Variants in FCHO1 observed in about 807,000 individuals in gnomAD.
The protein encoded by FCHO1 is F-BAR domain only protein 1.
A neutral mutation model predicts 114.4 loss-of-function variants in FCHO1; 45 were observed. The ratio of observed to expected loss-of-function variants is 0.39; its 90% confidence interval spans 0.31 to 0.50. The LOEUF (loss-of-function observed/expected upper bound fraction) is 0.50, where lower values mean the gene tolerates loss of function less well. FCHO1 is among the 20% of genes least tolerant of loss of function. The pLI is 0.77. For synonymous variants in FCHO1, 480 were observed against 488.9 expected (o/e 0.98, Z 0.24); for missense variants, 1,042 against 1,209.6 (o/e 0.86, Z 2.06).
Position 17,788,296 on chromosome 19 carries a change from T to C in FCHO1, c.2660T>C (p.Val887Ala), listed in dbSNP as rs1234990905. The C allele has an allele frequency of 7.4e-7, 1 of 1,342,476 alleles. No homozygotes were observed. The highest frequency in any genetic ancestry group is 2.0e-5 in the Admixed American group (1 of 49,226). The allele number at this position is 1,342,476 out of a possible 1,614,324, so 83.2% of individuals were successfully genotyped here. Reference sequence around the variant, plus strand: ...TGCACCCCCACAGGGATGTACCTGGTGAGCTGCTGAACCCGCAAATGCTGC... The same window carrying C: ...TGCACCCCCACAGGGATGTACCTGGCGAGCTGCTGAACCCGCAAATGCTGC... ...KRRFATGMYL[V>A]SC is the part of the protein sequence containing the mutation. The change falls in exon 29 of 29, where the codon GTG becomes GCG. Residue 887 changes from valine (V) to alanine (A), a missense_variant. By Grantham distance (64) the Val-to-Ala change is moderately conservative. Around this residue, in one of 3 missense-constraint regions of FCHO1, gnomAD observed 137 missense variants for 190.0 expected, o/e 0.72. Transcript: ENST00000596536.
At chr19:17,753,378 T>C (rs1305282279) in intron 1 of FCHO1, among the ~76,000 whole-genome samples, 1 of 152,202 alleles carries the variant, frequency 6.6e-6, no homozygotes, top group Non-Finnish European at 1.5e-5. Context: ...CCTTGCCCAG[T>C]GAACTCCTAT....
At chr19:17,759,339 C>T (rs2085146930) in intron 4 of FCHO1, among the ~76,000 whole-genome samples, 1 of 149,654 alleles carries the variant, frequency 6.7e-6, no homozygotes, top group South Asian at 2.1e-4. Flanking sequence ...TCTCCCGCCT[C>T]AGCCTCCCGA....
chr19:17,749,121 T>G (rs1028394608), upstream of FCHO1, among the ~76,000 whole-genome samples: 2 of 152,088 alleles, frequency 1.3e-5, no homozygotes, highest in South Asian at 4.1e-4. Flanking sequence ...CTGACCCACA[T>G]ACCATCACCC....
chr19:17,761,552 T>G (rs1223803131), intron 4 of FCHO1, among the ~76,000 whole-genome samples: 1 of 151,698 alleles, frequency 6.6e-6, no homozygotes, highest in Non-Finnish European at 1.5e-5. Context: ...TTCTAGGAGT[T>G]TTTTGGTGGT....
At chr19:17,780,389 C>T (rs1247789251) in intron 20 of FCHO1, among the ~76,000 whole-genome samples, 2 of 152,068 alleles carry the variant, frequency 1.3e-5, no homozygotes, top group Non-Finnish European at 2.9e-5. Flanking sequence ...GTCTCGAACT[C>T]CTGACCTCAG....
At chr19:17,757,648 G>C (rs367640421) in intron 4 of FCHO1, among the ~76,000 whole-genome samples, 10 of 152,312 alleles carry the variant, frequency 6.6e-5, no homozygotes, top group African/African-American at 2.4e-4. Context: ...GAGCGTGGTA[G>C]CTCACGTCTG....
chr19:17,769,372 C>T (rs917329850), intron 7 of FCHO1, among the ~76,000 whole-genome samples: 54 of 150,916 alleles, frequency 3.6e-4, no homozygotes, highest in African/African-American at 1.1e-3. Context: ...GTCAGGAGAT[C>T]GAGACCATCC....
rs1420370126 is a variant in FCHO1, at chr19:17,772,641, A to C, written c.694-4A>C. 1 of 1,613,994 alleles carries C rather than the reference A, an allele frequency of 6.2e-7. No individual in the cohort carries two copies. The highest frequency in any genetic ancestry group is 8.5e-7 in the Non-Finnish European group (1 of 1,180,002). ...CAGTTACACACCCCGCCCACCCGGC[A>C]CAGGTGCATGAGGAATTTAAGCAGA... On this transcript the variant is annotated splice_polypyrimidine_tract_variant and splice_region_variant and intron_variant, in intron 10 of 28. Transcript: ENST00000596536.
upstream of FCHO1, among the ~76,000 whole-genome samples, chr19:17,748,638 G>C (rs2081187682): frequency 2.0e-5 from 3 of 151,568 alleles, no homozygotes; most frequent in Admixed American, 6.6e-5. Flanking sequence ...AGGAGGCTTG[G>C]GGGGTGGGGG....
rs558504093 is a variant in FCHO1, at chr19:17,784,632, T to C, written c.2227-93T>C. 5.0e-6 allele frequency: 6 copies of C among 1,204,802 alleles called. No homozygotes were observed. In the East Asian group the frequency reaches 1.4e-4, roughly 28 times the overall value. 74.6% of individuals were successfully genotyped at this position (1,204,802 alleles called of 1,614,324 possible). A position where few individuals can be genotyped will look rare whatever the true frequency, so the allele number is the denominator to read the frequency against. Reference sequence around the variant, plus strand: ...GACTGGACCCCCTTGGGGCGGTGCGTGCATCGCAGGGTCAAGGTGGTTGAA... The same window carrying C: ...GACTGGACCCCCTTGGGGCGGTGCGCGCATCGCAGGGTCAAGGTGGTTGAA... On this transcript the variant is annotated intron_variant, in intron 25 of 28. Coordinates refer to ENST00000596536, the MANE Select transcript of FCHO1 (RefSeq NM_015122.3). The surrounding 1 kb of genome is among the most constrained non-coding windows in gnomAD (Gnocchi z 5.3).
chr19:17,777,652 GAGGTGGGGTT>G (rs2092816339), intron 18 of FCHO1, among the ~76,000 whole-genome samples: 3 of 152,030 alleles, frequency 2.0e-5, no homozygotes, highest in African/African-American at 7.2e-5. Flanking sequence ...GACTTCCCTT[GAGGTGGGGTT>G]GGGAACCTCC....
At chr19:17,774,923 G>A (rs754420689) in intron 13 of FCHO1, 133 bp from the exon 14 acceptor site, 43 of 961,624 alleles carry the variant, frequency 4.5e-5, no homozygotes, top group African/African-American at 2.4e-4. Context: ...TGGTCCCACC[G>A]CCTCTAGGGC....
chr19:17,788,176 G>C, intron 28 of FCHO1, 108 bp from the exon 29 acceptor site: 1 of 847,696 alleles, frequency 1.2e-6, no homozygotes, highest in South Asian at 1.4e-5. Flanking sequence ...AGTTACAGGG[G>C]TGTTTTGAAG....
intron 7 of FCHO1, 27 bp downstream of exon 7, chr19:17,766,837 G>T: frequency 6.2e-7 from 1 of 1,603,436 alleles, no homozygotes; most frequent in African/African-American, 1.3e-5. Context: ...CCGCCCAGCG[G>T]CTGGGTGGGT....
intron 5 of FCHO1, 45 bp downstream of exon 5, chr19:17,762,898 C>T (rs764352908): frequency 1.5e-6 from 2 of 1,340,890 alleles, no homozygotes; most frequent in Non-Finnish European, 2.1e-6. Flanking sequence ...GCCCACCATC[C>T]TGTAGTCACG....
At chr19:17,782,975 G>A in intron 23 of FCHO1, 42 bp from the exon 24 acceptor site, 1 of 1,603,232 alleles carries the variant, frequency 6.2e-7, no homozygotes, top group Non-Finnish European at 8.5e-7. Flanking sequence ...GAGGCACCAG[G>A]CAGAGCCCTA....
intron 4 of FCHO1, among the ~76,000 whole-genome samples, chr19:17,756,803 T>C (rs12977828): frequency 0.22 from 33,715 of 152,050 alleles, 4,408 homozygotes; most frequent in Non-Finnish European, 0.29. Flanking sequence ...CCCAGTCTCA[T>C]TGCGCCAGGG....
Position 17,763,259 on chromosome 19 carries a change from C to CT in FCHO1, c.119+428dup, listed in dbSNP as rs11349881. Among the ~76,000 whole-genome samples the CT allele has an allele frequency of 4.6e-3, 445 of 96,028 alleles. 2 individuals are homozygous for CT. Among genetic ancestry groups the CT allele is most frequent in the South Asian group, 0.019 (46 of 2,362 alleles). The allele number at this position is 96,028 out of a possible 152,430, so 63.0% of individuals were successfully genotyped here. On this transcript the variant is annotated intron_variant, in intron 5 of 28. Coordinates refer to ENST00000596536, the MANE Select transcript of FCHO1 (RefSeq NM_015122.3). ...TATAGGCATGTACCACCACATCTGG[C>CT]TTTTTTTTTTTTTTTTTTTTTTAAA...
chr19:17,781,490 C>CGCCAGCACTGCCTTGGAA lies in FCHO1; in HGVS notation c.1780_1797dup (p.Ala594_Glu599dup). On this transcript the variant is annotated inframe_insertion, in exon 22 of 29. Coordinates refer to ENST00000596536, the MANE Select transcript of FCHO1 (RefSeq NM_015122.3). ...GCCCCTCCCCACTGGGCTCTTCAGC[C>CGCCAGCACTGCCTTGGAA]GCCAGCACTGCCTTGGAACGGCCCA... 2.5e-6 allele frequency: 4 copies of CGCCAGCACTGCCTTGGAA among 1,614,068 alleles called. No homozygotes were observed. The highest frequency in any genetic ancestry group is 3.4e-6 in the Non-Finnish European group (4 of 1,180,002).
Sources: gnomAD v4.1 joint callset for allele counts (sites outside exome capture counted in the v4.1 genomes callset) on GRCh38, gnomAD v4.1.1 for gene constraint, gnomAD v4.1.1 regional missense constraint, Gnocchi (gnomAD v3.1) non-coding constraint, MANE v1.5 for transcripts, NCBI Gene and HGNC (gene_info 2026-07-23, HGNC 2026-07-21) for gene names.